Variants in ALG1 observed in about 807,000 individuals in gnomAD.
ALG1 encodes the protein chitobiosyldiphosphodolichol beta-mannosyltransferase.
Under a neutral mutation model 55.1 loss-of-function variants are expected in ALG1, and 58 were observed. The observed-to-expected ratio is 1.05, with a 90% CI of 0.85 to 1.31. ALG1 has a LOEUF of 1.31. ALG1 is among the 50% of genes most tolerant of loss of function. The pLI is 0.00. For missense variants in ALG1, 761 were observed against 598.6 expected (o/e 1.27, Z -2.83); for synonymous variants, 309 against 247.0 (o/e 1.25, Z -2.35).
chr16:5,083,564 C>T, intron 11 of ALG1, 118 bp from the exon 12 acceptor site: 1 of 1,568,264 alleles, frequency 6.4e-7, no homozygotes, highest in South Asian at 1.1e-5. Flanking sequence ...AACCACACCC[C>T]CTGTTCCAAC....
At chr16:5,072,223 T>C in intron 1 of ALG1, 166 bp downstream of exon 1, 1 of 1,524,152 alleles carries the variant, frequency 6.6e-7, no homozygotes. Context: ...GGTGGGTCTC[T>C]AGGTATAGCC....
intron 8 of ALG1, among the ~76,000 whole-genome samples, chr16:5,079,397 A>C (rs1284887019): frequency 6.6e-6 from 1 of 152,064 alleles, no homozygotes; most frequent in Non-Finnish European, 1.5e-5. Flanking sequence ...TTTATTTAAA[A>C]ATTTTTTTCT....
chr16:5,073,507 C>T (rs568030921), intron 3 of ALG1: 4 of 549,228 alleles, frequency 7.3e-6, no homozygotes, highest in Non-Finnish European at 1.3e-5. Flanking sequence ...TTAGTCCTCA[C>T]AGTTACCCTA....
At chr16:5,078,529 G>C (rs900042930) in intron 6 of ALG1, 6 of 788,364 alleles carry the variant, frequency 7.6e-6, no homozygotes, top group Non-Finnish European at 1.3e-5. Flanking sequence ...AAGTCCCGTG[G>C]AGAAAAGGAA....
chr16:5,079,320 A>G (rs1377465321), intron 8 of ALG1, among the ~76,000 whole-genome samples: 7 of 152,184 alleles, frequency 4.6e-5, no homozygotes, highest in Non-Finnish European at 1.0e-4. Context: ...AGTATCTCAC[A>G]CAGGCTGGTG....
rs2142718521 is a variant in ALG1 at position 5,079,744 on chromosome 16, A to G, written c.902-4A>G. 1.2e-6 allele frequency: 2 copies of G among 1,611,584 alleles called. No homozygotes were observed. The highest frequency in any genetic ancestry group is 4.5e-5 in the East Asian group (2 of 44,866). On this transcript the variant is annotated splice_region_variant and splice_polypyrimidine_tract_variant and intron_variant, in intron 8 of 12. Coordinates refer to ENST00000262374, the MANE Select transcript of ALG1 (RefSeq NM_019109.5). ...TGTAGAATTGTTTCTTTTTCTAAAC[A>G]CAGAGTTTGAACAACTGACTCTTGA...
Position 5,080,709 on chromosome 16 carries a change from C to T in ALG1, c.962-237C>T, listed in dbSNP as rs534464751. On this transcript the variant is annotated intron_variant, in intron 9 of 12. Coordinates refer to ENST00000262374, the MANE Select transcript of ALG1 (RefSeq NM_019109.5). ...TGCTTACCCCGCCATGTTTGCAGCC[C>T]GAGGCCAGCTGGCTGCAGGTGAAAG... 6.2e-3 allele frequency among the ~76,000 whole-genome samples: 943 copies of T among 152,330 alleles called. 8 individuals are homozygous for T. Among genetic ancestry groups the T allele is most frequent in the African/African-American group, 0.022 (898 of 41,578 alleles).
intron 3 of ALG1, 115 bp from the exon 4 acceptor site, chr16:5,075,273 C>A: frequency 8.6e-7 from 1 of 1,159,780 alleles, no homozygotes; most frequent in Non-Finnish European, 1.3e-6. Flanking sequence ...TGCTTATTAT[C>A]AAGAGCTCTG....
chr16:5,080,466 G>A (rs1956997608), intron 9 of ALG1, among the ~76,000 whole-genome samples: 1 of 152,214 alleles, frequency 6.6e-6, no homozygotes, highest in African/African-American at 2.4e-5. Context: ...TCAGTGAGGA[G>A]GGAGAAAAGC....
At position 5,079,763 on chromosome 16, in the gene ALG1, C is replaced by T; in HGVS notation, c.917C>T (p.Thr306Ile). The part of the protein sequence containing the change: ...LAALEKFEQL[T>I]LDGHNLPSLV... ...CTAAACACAGAGTTTGAACAACTGA[C>T]TCTTGATGGACACAACCTTCCTTCT... Residue 306 changes from threonine to isoleucine, a missense_variant, in exon 9 of 13, where the codon ACT becomes ATT. Thr to Ile is a moderately conservative substitution (Grantham distance 89). Coordinates refer to ENST00000262374, the MANE Select transcript of ALG1 (RefSeq NM_019109.5). The T allele has an allele frequency of 6.2e-7, 1 of 1,611,696 alleles. No homozygotes were observed. The highest frequency in any genetic ancestry group is 1.3e-5 in the African/African-American group (1 of 74,912).
intron 10 of ALG1, among the ~76,000 whole-genome samples, chr16:5,081,862 C>A (rs1385550775): frequency 6.6e-6 from 1 of 151,878 alleles, no homozygotes; most frequent in Non-Finnish European, 1.5e-5. Flanking sequence ...ACGCCTGGCC[C>A]CAGCTAGTCT....
chr16:5,077,033 G>A (rs1248464151), intron 4 of ALG1, among the ~76,000 whole-genome samples: 1 of 151,916 alleles, frequency 6.6e-6, no homozygotes, highest in Non-Finnish European at 1.5e-5. Context: ...GACCTCAAAC[G>A]ATCCACCTCC....
chr16:5,085,134 A>G lies in ALG1; in HGVS notation c.*253A>G, dbSNP rs1957110664. The G allele has an allele frequency of 1.5e-6, 1 of 662,042 alleles. No individual in the cohort carries two copies. The allele number at this position is 662,042 out of a possible 1,614,324, so 41.0% of individuals were successfully genotyped here. Reference sequence around the variant, plus strand: ...TCACGCCCCATGCCCCTGCTAGCGTATTACTGTTCTGTGACTTCCCTGTGA... The same window carrying G: ...TCACGCCCCATGCCCCTGCTAGCGTGTTACTGTTCTGTGACTTCCCTGTGA... On this transcript the variant is annotated 3_prime_UTR_variant, in exon 13 of 13. Coordinates refer to ENST00000262374, the MANE Select transcript of ALG1 (RefSeq NM_019109.5).
intron 11 of ALG1, 139 bp from the exon 12 acceptor site, chr16:5,083,543 C>T (rs994709419): frequency 7.2e-6 from 11 of 1,524,160 alleles, no homozygotes; most frequent in African/African-American, 1.4e-5. Flanking sequence ...ATCTAAGAAC[C>T]AGCTCCCGGA....
In ALG1 at chr16:5,075,391, C is replaced by A; in HGVS notation, c.394C>A (p.Pro132Thr). The change falls in exon 4 of 13, where the codon CCC (proline) becomes ACC (threonine). Residue 132 changes from proline (P) to threonine (T), a missense_variant. Coordinates refer to ENST00000262374, the MANE Select transcript of ALG1 (RefSeq NM_019109.5). Reference protein sequence around the residue: ...EPGAYIFLQNPPGLPSIAVCW... With the variant: ...EPGAYIFLQNTPGLPSIAVCW... ...TTCAAGTCTCTATCTTTCCTAGAAC[C>A]CCCCAGGTCTGCCTAGCATTGCTGT... 2 of 1,614,098 alleles carry A rather than the reference C, an allele frequency of 1.2e-6. No individual in the cohort carries two copies. Among genetic ancestry groups the A allele is most frequent in the Non-Finnish European group, 1.7e-6 (2 of 1,180,014 alleles).
At chr16:5,073,113 G>C (rs1373942723) in intron 2 of ALG1, 40 bp from the exon 3 acceptor site, 1 of 1,612,882 alleles carries the variant, frequency 6.2e-7, no homozygotes, top group Admixed American at 1.7e-5. Context: ...CAGATTGCCA[G>C]ACGCTCCTTT....
Position 5,079,068 on chromosome 16 carries a change from C to A in ALG1, c.867C>A (p.Asp289Glu). 1 of 1,600,082 alleles carries A rather than the reference C, an allele frequency of 6.2e-7. No individual in the cohort carries two copies. The highest frequency in any genetic ancestry group is 8.5e-7 in the Non-Finnish European group (1 of 1,179,662). ...LLVSSTSWTE[D>E]EDFSILLAAL... ...CATTCAATTCTCTTCTCATAGAGGA[C>A]GAAGACTTCTCCATCCTGCTGGCAG... Residue 289 changes from aspartate to glutamate, a missense_variant, in exon 8 of 13, where the codon GAC becomes GAA. By Grantham distance (45) the Asp-to-Glu change is conservative. Coordinates refer to ENST00000262374, the MANE Select transcript of ALG1 (RefSeq NM_019109.5).
Position 5,072,049 on chromosome 16 carries a change from G to T in ALG1, c.200G>T (p.Gly67Val), listed in dbSNP as rs778626972. 3 of 1,578,110 alleles carry T rather than the reference G, an allele frequency of 1.9e-6. No individual in the cohort carries two copies. The highest frequency in any genetic ancestry group is 1.8e-5 in the Admixed American group (1 of 55,532). ...AMHGFSVTLL[G>V]FCNSKPHDEL... is the part of the protein sequence containing the mutation. ...CACGGCTTCTCGGTGACCCTCCTGG[G>T]GTTCTGCAGTGAGTGGCCAAGGGTC... The change falls in exon 1 of 13, where the codon GGG becomes GTG. Residue 67 changes from glycine (G) to valine (V), a missense_variant. Physicochemically the swap from Gly to Val is moderately radical, Grantham distance 109. Transcript: ENST00000262374.
At chr16:5,073,500 G>A in intron 3 of ALG1, 1 of 561,922 alleles carries the variant, frequency 1.8e-6, no homozygotes, top group Admixed American at 3.1e-5. Flanking sequence ...AACTCATTTA[G>A]TCCTCACAGT....
Sources: gnomAD v4.1 joint callset for allele counts (sites outside exome capture counted in the v4.1 genomes callset) on GRCh38, gnomAD v4.1.1 for gene constraint, MANE v1.5 for transcripts, NCBI Gene and HGNC (gene_info 2026-07-23, HGNC 2026-07-21) for gene names.